ZZEF1: variants seen among roughly 807,000 people sequenced by gnomAD.
ZZEF1 encodes zinc finger ZZ-type and EF-hand domain containing 1, also known as zinc finger ZZ-type and EF-hand domain-containing protein 1.
A neutral mutation model predicts 342.8 loss-of-function variants in ZZEF1; 157 were observed. That is an observed-to-expected ratio of 0.46 (90% confidence interval 0.40 to 0.52). The LOEUF (loss-of-function observed/expected upper bound fraction) is 0.52, where lower values mean the gene tolerates loss of function less well. ZZEF1 is among the 20% of genes least tolerant of loss of function. The pLI, the probability that ZZEF1 is intolerant of heterozygous loss-of-function variation, is 0.00. For synonymous variants in ZZEF1, 1,505 were observed against 1,429.1 expected (o/e 1.05, Z -1.20); for missense variants, 3,480 against 3,725.6 (o/e 0.93, Z 1.72).
At chr17:4,102,557 G>C in intron 8 of ZZEF1, 142 bp from the exon 9 acceptor site, 1 of 652,060 alleles carries the variant, frequency 1.5e-6, no homozygotes, top group Non-Finnish European at 2.6e-6. Context: ...AAATAGAGCA[G>C]TAATATCAGA....
At chr17:4,123,202 A>G (rs1336964460) in intron 2 of ZZEF1, among the ~76,000 whole-genome samples, 22 of 144,170 alleles carry the variant, frequency 1.5e-4, no homozygotes, top group East Asian at 8.3e-4. Context: ...TTACAGGCGT[A>G]AGCCACCGCG....
At chr17:4,140,054 T>A (rs752925923) in intron 1 of ZZEF1, among the ~76,000 whole-genome samples, 19 of 152,190 alleles carry the variant, frequency 1.2e-4, no homozygotes, top group Non-Finnish European at 2.5e-4. Flanking sequence ...ACAGAATTAC[T>A]AAGTGGAAGA....
intron 38 of ZZEF1, 73 bp from the exon 39 acceptor site, chr17:4,042,641 C>CAGGGGACAGTGCAGTGGT: frequency 6.9e-7 from 1 of 1,444,090 alleles, no homozygotes; most frequent in Non-Finnish European, 9.4e-7. Context: ...AACCACTGCA[C>CAGGGGACAGTGCAGTGGT]TGTCCCCTGT....
At chr17:4,039,088 A>G (rs2056740722) in intron 39 of ZZEF1, among the ~76,000 whole-genome samples, 1 of 152,226 alleles carries the variant, frequency 6.6e-6, no homozygotes, top group African/African-American at 2.4e-5. Context: ...GTGATTTTAA[A>G]AAGTCAACTT....
At chr17:4,111,265 G>C (rs940471102) in intron 5 of ZZEF1, among the ~76,000 whole-genome samples, 3 of 152,212 alleles carry the variant, frequency 2.0e-5, no homozygotes, top group Admixed American at 6.5e-5. Flanking sequence ...AGGTCTGCAA[G>C]GATCCACATC....
chr17:4,078,623 G>C (rs897573258), intron 18 of ZZEF1, among the ~76,000 whole-genome samples: 1 of 152,254 alleles, frequency 6.6e-6, no homozygotes, highest in Non-Finnish European at 1.5e-5. Context: ...GGCAGGAAGA[G>C]AGTGAGCCAT....
rs761437820 is a variant in ZZEF1 at position 4,050,807 on chromosome 17, C to T, written c.5837G>A (p.Cys1946Tyr). Residue 1946 changes from cysteine to tyrosine, a missense_variant, in exon 36 of 55, where the codon TGT (cysteine) becomes TAT (tyrosine). Physicochemically the swap from Cys to Tyr is radical, Grantham distance 194. Coordinates refer to ENST00000381638, the MANE Select transcript of ZZEF1 (RefSeq NM_015113.4). ...RSQCMQLVGD[C>Y]LMKAHQGKGL... is the part of the protein sequence containing the mutation. ...TTTTCCCTGATGAGCCTTCATCAGA[C>T]AGTCCCCGACGAGCTGCATGCACTG... is the stretch of plus-strand genomic sequence containing the variant. The T allele has an allele frequency of 6.2e-7, 1 of 1,614,102 alleles. No individual in the cohort carries two copies. Among genetic ancestry groups the T allele is most frequent in the African/African-American group, 1.3e-5 (1 of 75,064 alleles).
At position 4,007,219 on chromosome 17, in the gene ZZEF1, C is replaced by T. The variant is rs908667585; in HGVS notation, c.8806-249G>A. Among the ~76,000 whole-genome samples the T allele has an allele frequency of 2.0e-4, 31 of 152,246 alleles. 1 individual carries two copies. The highest frequency in any genetic ancestry group is 2.0e-3 in the Admixed American group (30 of 15,294). ...AGTCCCAGGGCGGAGGCTCAGAAGG[C>T]TGTCTGCAGAGGTCTGGGAAAACTC... On this transcript the variant is annotated intron_variant, in intron 54 of 54. Coordinates refer to ENST00000381638, the MANE Select transcript of ZZEF1 (RefSeq NM_015113.4).
intron 42 of ZZEF1, among the ~76,000 whole-genome samples, chr17:4,031,056 T>C (rs1387278576): frequency 1.3e-5 from 2 of 152,140 alleles, no homozygotes; most frequent in East Asian, 1.9e-4. Flanking sequence ...GGCTCATGCA[T>C]GTAATCCCAG....
intron 11 of ZZEF1, among the ~76,000 whole-genome samples, chr17:4,095,256 C>A (rs932363656): frequency 1.3e-5 from 2 of 152,196 alleles, no homozygotes; most frequent in African/African-American, 2.4e-5. Context: ...CATAACAACA[C>A]TTGCTCCAGA....
intron 53 of ZZEF1, chr17:4,009,364 G>T (rs2055884898): frequency 5.0e-6 from 3 of 598,514 alleles, no homozygotes; most frequent in Non-Finnish European, 8.9e-6. Flanking sequence ...GGCTGATCCC[G>T]GGCAGTTTCT....
chr17:4,140,881 A>C (rs1483751339), intron 1 of ZZEF1, among the ~76,000 whole-genome samples: 1 of 151,564 alleles, frequency 6.6e-6, no homozygotes, highest in Non-Finnish European at 1.5e-5. Flanking sequence ...GGGGGAAAAA[A>C]AAAGGAGATC....
At chr17:4,031,578 C>G (rs1276348255) in intron 42 of ZZEF1, among the ~76,000 whole-genome samples, 2 of 152,152 alleles carry the variant, frequency 1.3e-5, no homozygotes, top group African/African-American at 2.4e-5. Flanking sequence ...ACAGCACAGA[C>G]ACTGCCTAAT....
At chr17:4,051,177 AT>A in intron 35 of ZZEF1, 134 bp from the exon 36 acceptor site, 1 of 1,173,306 alleles carries the variant, frequency 8.5e-7, no homozygotes, top group East Asian at 2.4e-5. Context: ...CTTACTGAAA[AT>A]GTAAAGAAAG....
rs753940875 is a variant in ZZEF1 at position 4,082,461 on chromosome 17, A to T, written c.2690T>A (p.Phe897Tyr). 1 of 1,614,164 alleles carries T rather than the reference A, an allele frequency of 6.2e-7. No individual in the cohort carries two copies. The highest frequency in any genetic ancestry group is 8.5e-7 in the Non-Finnish European group (1 of 1,179,992). Residue 897 changes from phenylalanine to tyrosine, a missense_variant, in exon 17 of 55, where the codon TTC becomes TAC. By Grantham distance (22) the Phe-to-Tyr change is conservative (BLOSUM62 3). Transcript: ENST00000381638. ...QEHKQSLQLT[F>Y]RSLCTYFSDK... Reference sequence around the variant, plus strand: ...CCTAAAATACGTGCACAGTGAACGGAAAGTGAGCTGCAGGGACTGCTTGTG... The same window carrying T: ...CCTAAAATACGTGCACAGTGAACGGTAAGTGAGCTGCAGGGACTGCTTGTG...
Position 4,126,439 on chromosome 17 carries a change from CACAG to C in ZZEF1, c.355-2392_355-2389del, listed in dbSNP as rs563601065. 9.7e-4 allele frequency among the ~76,000 whole-genome samples: 147 copies of C among 152,136 alleles called. 4 individuals are homozygous for C. The South Asian group carries it at 0.031, about 32-fold the overall frequency. ...ATCTGGGGTGTGTGTGTTTTAAGCA[CACAG>C]ACAAAGAATACAAGATGCAACAGCT... is the stretch of plus-strand genomic sequence containing the variant. On this transcript the variant is annotated intron_variant, in intron 1 of 54. Transcript: ENST00000381638.
chr17:4,082,513 A>G lies in ZZEF1; in HGVS notation c.2647-9T>C, dbSNP rs1439347434. The stretch of plus-strand genomic sequence containing the variant: ...TCCTGCTCGGTGACATTCTTCTAGA[A>G]AACCAGAAATTGTATATTCAGAAAA... On this transcript the variant is annotated splice_polypyrimidine_tract_variant and intron_variant, in intron 16 of 54. Coordinates refer to ENST00000381638, the MANE Select transcript of ZZEF1 (RefSeq NM_015113.4). 2.5e-6 allele frequency: 4 copies of G among 1,613,352 alleles called. No individual in the cohort carries two copies. Among genetic ancestry groups the G allele is most frequent in the Non-Finnish European group, 3.4e-6 (4 of 1,179,770 alleles).
chr17:4,043,699 T>C (rs886737385), intron 38 of ZZEF1, among the ~76,000 whole-genome samples: 4 of 152,222 alleles, frequency 2.6e-5, no homozygotes, highest in African/African-American at 9.6e-5. Flanking sequence ...TTCTCTACTT[T>C]AGGGCCTTTG....
chr17:4,032,293 C>CA (rs1208581380), intron 41 of ZZEF1, 35 bp from the exon 42 acceptor site: 7 of 1,597,766 alleles, frequency 4.4e-6, no homozygotes, highest in Non-Finnish European at 6.0e-6. Context: ...AAAGGCAACT[C>CA]AAACATGGAG....
Sources: gnomAD v4.1 joint callset for allele counts (sites outside exome capture counted in the v4.1 genomes callset) on GRCh38, gnomAD v4.1.1 for gene constraint, MANE v1.5 for transcripts, NCBI Gene and HGNC (gene_info 2026-07-23, HGNC 2026-07-21) for gene names.